Variants in CCDC146 observed in about 807,000 individuals in gnomAD.
CCDC146 encodes the protein coiled-coil domain containing 146.
CCDC146 carries 92 observed loss-of-function variants against 119.3 expected under a neutral mutation model. The ratio of observed to expected loss-of-function variants is 0.77; its 90% confidence interval spans 0.65 to 0.92. The LOEUF is 0.92. Among genes scored for constraint, CCDC146 ranks in the 40% least tolerant of loss-of-function variants. The probability of loss-of-function intolerance (pLI) is 0.00; values close to 1 mark genes in which losing one functional copy is unlikely to be tolerated. For missense variants in CCDC146, 1,000 were observed against 1,103.0 expected, an observed-to-expected ratio of 0.91 and a Z score of 1.32; for synonymous variants, 372 against 371.8, an observed-to-expected ratio of 1.00 and a Z score of -0.01.
intron 2 of CCDC146, among the ~76,000 whole-genome samples, chr7:77,184,582 T>G (rs1455618663): frequency 3.3e-5 from 5 of 152,174 alleles, no homozygotes. Flanking sequence ...GACTTTGCTG[T>G]TTACACAAAA....
At chr7:77,280,706 C>T in intron 14 of CCDC146, 53 bp downstream of exon 14, 1 of 1,235,694 alleles carries the variant, frequency 8.1e-7, no homozygotes, top group East Asian at 2.5e-5. Flanking sequence ...AGGAATGTCA[C>T]CTCTTTTTCT....
intron 2 of CCDC146, among the ~76,000 whole-genome samples, chr7:77,206,032 G>A (rs1792073876): frequency 6.6e-6 from 1 of 152,078 alleles, no homozygotes; most frequent in Non-Finnish European, 1.5e-5. Flanking sequence ...CTTCAGCTGG[G>A]TATATATGTA....
At chr7:77,132,835 G>T (rs1479162665) in intron 1 of CCDC146, among the ~76,000 whole-genome samples, 1 of 152,132 alleles carries the variant, frequency 6.6e-6, no homozygotes, top group African/African-American at 2.4e-5. Context: ...AAATGTGATT[G>T]TCTCTATAGA....
intron 1 of CCDC146, among the ~76,000 whole-genome samples, chr7:77,130,115 G>A (rs1296056497): frequency 6.6e-6 from 1 of 152,066 alleles, no homozygotes; most frequent in Non-Finnish European, 1.5e-5. Context: ...CATATGCTGA[G>A]GTTGCTAAAA....
At chr7:77,287,180 C>A in intron 16 of CCDC146, 1 of 600,214 alleles carries the variant, frequency 1.7e-6, no homozygotes, top group Non-Finnish European at 2.9e-6. Flanking sequence ...ATTTTGGCAT[C>A]TTAAATGGAT....
At chr7:77,252,250 G>A (rs1307391771) in intron 4 of CCDC146, among the ~76,000 whole-genome samples, 1 of 152,048 alleles carries the variant, frequency 6.6e-6, no homozygotes, top group African/African-American at 2.4e-5. Flanking sequence ...GAAGGTATAT[G>A]ATTATGAAAA....
At chr7:77,175,944 G>A (rs1365778314) in intron 2 of CCDC146, among the ~76,000 whole-genome samples, 2 of 151,140 alleles carry the variant, frequency 1.3e-5, no homozygotes, top group Non-Finnish European at 1.5e-5. Flanking sequence ...TCAACAAAAG[G>A]CATATGAGGA....
At position 77,200,433 on chromosome 7, in the gene CCDC146, G is replaced by A. The variant is rs1223059671; in HGVS notation, c.156+32609G>A. On this transcript the variant is annotated intron_variant, in intron 2 of 18. Coordinates refer to ENST00000285871, the MANE Select transcript of CCDC146 (RefSeq NM_020879.3). ...AGTGCTACTTTCTATTCCTTTGTCC[G>A]TAGCATAGTGTATATTAATGTCTAA... Among the ~76,000 whole-genome samples the A allele has an allele frequency of 3.3e-5, 5 of 152,196 alleles. No homozygotes were observed. In the South Asian group the frequency reaches 6.2e-4, roughly 19 times the overall value.
intron 9 of CCDC146, among the ~76,000 whole-genome samples, chr7:77,265,132 T>C (rs1200164211): frequency 6.6e-6 from 1 of 152,228 alleles, no homozygotes; most frequent in Non-Finnish European, 1.5e-5. Context: ...ATTGGAACTT[T>C]GGGCAAACAC....
At chr7:77,283,114 C>T (rs149332460) in intron 15 of CCDC146, among the ~76,000 whole-genome samples, 54 of 152,228 alleles carry the variant, frequency 3.5e-4, no homozygotes, top group African/African-American at 1.3e-3. Context: ...ATAATTATGT[C>T]GTTGCTGCTT....
chr7:77,150,457 A>T (rs1268548888), intron 1 of CCDC146, among the ~76,000 whole-genome samples: 2 of 152,224 alleles, frequency 1.3e-5, no homozygotes, highest in Admixed American at 1.3e-4. Flanking sequence ...GTATGAAAAG[A>T]TATTCAACAT....
At chr7:77,140,728 G>A (rs1790920862) in intron 1 of CCDC146, among the ~76,000 whole-genome samples, 1 of 152,070 alleles carries the variant, frequency 6.6e-6, no homozygotes, top group East Asian at 1.9e-4. Context: ...AATTAAAGCA[G>A]AGTTAAATAA....
chr7:77,156,151 A>G (rs1163588412), intron 1 of CCDC146, among the ~76,000 whole-genome samples: 5 of 152,210 alleles, frequency 3.3e-5, no homozygotes, highest in South Asian at 2.1e-4. Flanking sequence ...CAGATTCCTC[A>G]TGGATTACAC....
At chr7:77,168,288 A>G (rs1791368598) in intron 2 of CCDC146, among the ~76,000 whole-genome samples, 1 of 152,034 alleles carries the variant, frequency 6.6e-6, no homozygotes, top group Non-Finnish European at 1.5e-5. Context: ...GATGAATTAT[A>G]TATTCTCATT....
In CCDC146 at chr7:77,196,257, C is replaced by G; in HGVS notation, c.156+28433C>G. On this transcript the variant is annotated intron_variant, in intron 2 of 18. Coordinates refer to ENST00000285871, the MANE Select transcript of CCDC146 (RefSeq NM_020879.3). This position sits in a 1 kb window ranked among gnomAD's most constrained non-coding sequence, Gnocchi z 4.2. Reference sequence around the variant, plus strand: ...AATTGCCCTATTAGATAACGAATACCTGGAGGAATGAACAGAGTGATTTAT... The same window carrying G: ...AATTGCCCTATTAGATAACGAATACGTGGAGGAATGAACAGAGTGATTTAT... 3.2e-6 allele frequency: 5 copies of G among 1,561,108 alleles called. No homozygotes were observed. The highest frequency in any genetic ancestry group is 4.4e-6 in the Non-Finnish European group (5 of 1,140,846).
intron 4 of CCDC146, among the ~76,000 whole-genome samples, chr7:77,253,036 G>A (rs939195826): frequency 1.3e-5 from 2 of 152,208 alleles, no homozygotes; most frequent in Admixed American, 6.5e-5. Context: ...TCTGTCACAA[G>A]GGCCAAAGGC....
intron 17 of CCDC146, among the ~76,000 whole-genome samples, chr7:77,289,605 A>G (rs7797829): frequency 0.36 from 54,388 of 151,990 alleles, 11,114 homozygotes; most frequent in African/African-American, 0.55. Flanking sequence ...TGTGATAGCC[A>G]AAGTTGTTGC....
intron 2 of CCDC146, among the ~76,000 whole-genome samples, chr7:77,168,084 A>G (rs1295720193): frequency 6.6e-6 from 1 of 152,190 alleles, no homozygotes; most frequent in Non-Finnish European, 1.5e-5. Context: ...AGTTACATAC[A>G]TTTCGTGGGT....
intron 1 of CCDC146, among the ~76,000 whole-genome samples, chr7:77,145,365 C>T (rs1394303406): frequency 4.6e-5 from 7 of 151,788 alleles, no homozygotes; most frequent in African/African-American, 1.7e-4. Context: ...TTTCAAAAAA[C>T]CAGCTCCTGG....
Sources: allele counts gnomAD v4.1 joint callset (sites outside exome capture counted in the v4.1 genomes callset), GRCh38; gene constraint gnomAD v4.1.1; non-coding constraint Gnocchi (gnomAD v3.1); transcripts MANE v1.5; gene names NCBI Gene and HGNC (gene_info 2026-07-23, HGNC 2026-07-21).